Variants in CD8B observed in about 807,000 individuals in gnomAD.
The protein encoded by CD8B is T-cell surface glycoprotein CD8 beta chain.
Under a neutral mutation model 24.2 loss-of-function variants are expected in CD8B, and 6 were observed. The ratio of observed to expected loss-of-function variants is 0.25; its 90% confidence interval spans 0.14 to 0.49. The LOEUF is 0.49. CD8B is among the 20% of genes least tolerant of loss of function. The pLI, the probability that CD8B is intolerant of heterozygous loss-of-function variation, is 0.98. For missense variants in CD8B, 196 were observed against 271.3 expected (o/e 0.72, Z 1.95); for synonymous variants, 84 against 108.3 (o/e 0.78, Z 1.39).
Position 86,848,703 on chromosome 2 carries a change from T to TAATTATTTATTTATTTATTTAATTA in CD8B, c.494-1931_494-1930insTAATTAAATAAATAAATAAATAATT, listed in dbSNP as rs1287364305. 3.0e-5 allele frequency among the ~76,000 whole-genome samples: 2 copies of TAATTATTTATTTATTTATTTAATTA among 65,826 alleles called. 1 individual carries two copies. The highest frequency in any genetic ancestry group is 5.3e-5 in the Non-Finnish European group (2 of 37,664). 43.2% of individuals were successfully genotyped at this position (65,826 alleles called of 152,430 possible). A position where few individuals can be genotyped will look rare whatever the true frequency, so the allele number is the denominator to read the frequency against. ...AAGAAAGGTATTGGTATTTTTAAATTATTTATTTATTTATTTATTTATTTA... is the reference window on the plus strand; with the variant it reads ...AAGAAAGGTATTGGTATTTTTAAATTAATTATTTATTTATTTATTTAATTAATTTATTTATTTATTTATTTATTTA... On this transcript the variant is annotated intron_variant, in intron 3 of 5. Coordinates refer to ENST00000390655, the MANE Select transcript of CD8B (RefSeq NM_004931.5).
At chr2:86,856,814 A>T (rs987760792) in intron 2 of CD8B, among the ~76,000 whole-genome samples, 46 of 150,012 alleles carry the variant, frequency 3.1e-4, no homozygotes, top group African/African-American at 1.1e-3. Context: ...CATATGTTTT[A>T]TGTAAAATGC....
Position 86,853,025 on chromosome 2 carries a change from G to C in CD8B, c.465C>G (p.Cys155Trp), listed in dbSNP as rs1676054300. Residue 155 changes from cysteine to tryptophan, a missense_variant, in exon 3 of 6, where the codon TGC (cysteine) becomes TGG (tryptophan). Transcript: ENST00000390655. ...TCTGGGTCTCTGGCCTGGGTAACCG[G>C]CACACTCTCTTCTTGAGGGTGGACT... is the stretch of plus-strand genomic sequence containing the variant. ...TKKSTLKKRV[C>W]RLPRPETQKG... The C allele has an allele frequency of 6.5e-7, 1 of 1,539,290 alleles. No individual in the cohort carries two copies. Among genetic ancestry groups the C allele is most frequent in the African/African-American group, 1.4e-5 (1 of 72,052 alleles).
Position 86,822,743 on chromosome 2 carries a change from C to T in CD8B, c.621-7025G>A, listed in dbSNP as rs1331780322. Among the ~76,000 whole-genome samples the T allele has an allele frequency of 2.0e-5, 3 of 152,152 alleles. No individual in the cohort carries two copies. In the East Asian group the frequency reaches 5.8e-4, roughly 29 times the overall value. On this transcript the variant is annotated intron_variant, in intron 5 of 5. Coordinates refer to the CD8B transcript ENST00000331469. ...TGGAAAGCTTAAAAATAACTCACTT[C>T]CCTTCCCAGAGAGCAATGTTCAGTG...
chr2:86,834,987 A>G, downstream of CD8B, among the ~76,000 whole-genome samples: 1 of 148,912 alleles, frequency 6.7e-6, no homozygotes, highest in Non-Finnish European at 1.5e-5. Context: ...CACCCGCCCC[A>G]CCAAATCGCC....
In CD8B at chr2:86,858,337, G is replaced by A. The variant is rs759079246; in HGVS notation, c.123C>T (p.Cys41=). Residue 41 remains cysteine, a synonymous_variant, in exon 2 of 6, where the codon TGC becomes TGT. Transcript: ENST00000390655. ...TGTTACTGAGGGAGATTTTAGCCTC[G>A]CAGGACAGCATCACCATCTTGTTGG... ...VQTNKMVMLS[C]EAKISLSNMR... is the part of the protein sequence containing the mutation. 97 of 1,613,804 alleles carry A rather than the reference G, an allele frequency of 6.0e-5. 1 individual carries two copies. In the Middle Eastern group the frequency reaches 1.2e-3, roughly 19 times the overall value.
chr2:86,857,213 G>A (rs1263596639), intron 2 of CD8B, among the ~76,000 whole-genome samples: 1 of 152,100 alleles, frequency 6.6e-6, no homozygotes, highest in Non-Finnish European at 1.5e-5. Flanking sequence ...GTATGAATTC[G>A]AGCTGTAGGC....
chr2:86,859,881 G>C (rs567982967), intron 1 of CD8B, among the ~76,000 whole-genome samples: 41 of 152,092 alleles, frequency 2.7e-4, no homozygotes, highest in African/African-American at 9.9e-4. Context: ...CTCAGGCTCC[G>C]TGGCCCCATA....
chr2:86,832,198 G>C (rs1458941316), intron 5 of CD8B, among the ~76,000 whole-genome samples: 1 of 152,206 alleles, frequency 6.6e-6, no homozygotes, highest in Non-Finnish European at 1.5e-5. Context: ...GTAAGAGAAG[G>C]ATAGGTGCAG....
intron 2 of CD8B, among the ~76,000 whole-genome samples, chr2:86,855,014 A>C (rs1174188497): frequency 6.6e-6 from 1 of 151,896 alleles, no homozygotes; most frequent in Non-Finnish European, 1.5e-5. Context: ...CCAGCTACTC[A>C]GGAGGCTGAG....
intron 5 of CD8B, among the ~76,000 whole-genome samples, chr2:86,826,336 CAGAG>C (rs1180486244): frequency 6.6e-6 from 1 of 152,128 alleles, no homozygotes; most frequent in African/African-American, 2.4e-5. Context: ...CAAAACAAAA[CAGAG>C]AGCCACTCTA....
At chr2:86,825,991 GA>G (rs1313843976) in intron 5 of CD8B, among the ~76,000 whole-genome samples, 1 of 152,080 alleles carries the variant, frequency 6.6e-6, no homozygotes, top group Non-Finnish European at 1.5e-5. Context: ...CTCTCGGGGG[GA>G]AAACATCCAT....
chr2:86,857,947 C>T, intron 2 of CD8B, 110 bp downstream of exon 2: 1 of 1,094,264 alleles, frequency 9.1e-7, no homozygotes, highest in Non-Finnish European at 1.4e-6. Flanking sequence ...GCAGCAGTGC[C>T]ATTAGTCACG....
downstream of CD8B, among the ~76,000 whole-genome samples, chr2:86,833,694 C>T (rs1357997327): frequency 7.4e-6 from 1 of 135,988 alleles, no homozygotes; most frequent in Non-Finnish European, 1.6e-5. Flanking sequence ...CAGAGCCTTG[C>T]TCTGTTGCCC....
chr2:86,852,132 T>C (rs1032738698), intron 3 of CD8B, among the ~76,000 whole-genome samples: 2 of 152,046 alleles, frequency 1.3e-5, no homozygotes, highest in African/African-American at 4.8e-5. Context: ...GCCCAGCTAA[T>C]TTTTTTACAT....
chr2:86,834,051 GT>G (rs1675068077), downstream of CD8B, among the ~76,000 whole-genome samples: 1 of 152,082 alleles, frequency 6.6e-6, no homozygotes, highest in South Asian at 2.1e-4. Flanking sequence ...TCTTGGGGTT[GT>G]TTCCCATTTT....
rs761248929 is a variant in CD8B at position 86,858,326 on chromosome 2, A to G, written c.134T>C (p.Ile45Thr). The change falls in exon 2 of 6, where the codon ATC becomes ACC. Residue 45 changes from isoleucine to threonine, a missense_variant. Ile to Thr is a moderately conservative substitution (Grantham distance 89). Transcript: ENST00000390655. ...GTAGATGCGCATGTTACTGAGGGAG[A>G]TTTTAGCCTCGCAGGACAGCATCAC... Reference protein sequence around the residue: ...KMVMLSCEAKISLSNMRIYWL... With the variant: ...KMVMLSCEAKTSLSNMRIYWL... 51 of 1,613,718 alleles carry G rather than the reference A, an allele frequency of 3.2e-5. No homozygotes were observed. The highest frequency in any genetic ancestry group is 4.2e-5 in the Non-Finnish European group (50 of 1,179,854).
intron 5 of CD8B, among the ~76,000 whole-genome samples, chr2:86,831,491 A>G (rs1674903745): frequency 6.6e-6 from 1 of 152,228 alleles, no homozygotes; most frequent in Non-Finnish European, 1.5e-5. Context: ...TTGATCAGTA[A>G]ATATCTAGCA....
downstream of CD8B, among the ~76,000 whole-genome samples, chr2:86,833,681 G>A (rs1438203649): frequency 7.9e-6 from 1 of 126,198 alleles, no homozygotes; most frequent in Non-Finnish European, 1.7e-5. Flanking sequence ...GGGGCAGTGG[G>A]GACAGAGCCT....
At chr2:86,821,786 A>G (rs1013585745) in intron 5 of CD8B, 1 of 412,828 alleles carries the variant, frequency 2.4e-6, no homozygotes, top group Admixed American at 2.4e-5. Flanking sequence ...GAAAGCCCCC[A>G]CAAACCCCGT....
Sources: allele counts gnomAD v4.1 joint callset (sites outside exome capture counted in the v4.1 genomes callset), GRCh38; gene constraint gnomAD v4.1.1; transcripts MANE v1.5; gene names NCBI Gene and HGNC (gene_info 2026-07-23, HGNC 2026-07-21).